Variants in APBB2 observed in about 807,000 individuals in gnomAD.
APBB2 encodes the protein amyloid beta precursor protein binding family B member 2.
A neutral mutation model predicts 82.5 loss-of-function variants in APBB2; 38 were observed. The observed-to-expected ratio is 0.46, with a 90% CI of 0.36 to 0.60. APBB2 has a LOEUF of 0.60. Among genes scored for constraint, APBB2 ranks in the 20% least tolerant of loss-of-function variants. The pLI is 0.00. For synonymous variants in APBB2, 341 were observed against 368.2 expected (o/e 0.93, Z 0.85); for missense variants, 772 against 972.3 (o/e 0.79, Z 2.74).
chr4:40,926,864 A>AT (rs1782739677), intron 10 of APBB2, among the ~76,000 whole-genome samples: 1 of 152,248 alleles, frequency 6.6e-6, no homozygotes, highest in Non-Finnish European at 1.5e-5. Flanking sequence ...TCGGTTTCTT[A>AT]TCTACAATAT....
At chr4:41,049,338 G>A in intron 4 of APBB2, among the ~76,000 whole-genome samples, 1 of 89,988 alleles carries the variant, frequency 1.1e-5, no homozygotes, top group East Asian at 6.5e-4. Context: ...AGTGAGGAGC[G>A]TCTCCGACCG....
chr4:40,901,402 C>CCTA (rs1326241331), intron 10 of APBB2, among the ~76,000 whole-genome samples: 8 of 151,694 alleles, frequency 5.3e-5, no homozygotes, highest in Admixed American at 4.6e-4. Flanking sequence ...TAAAGATACC[C>CCTA]CTAGGTGGTG....
intron 12 of APBB2, among the ~76,000 whole-genome samples, chr4:40,882,632 C>A (rs6844555): frequency 6.6e-6 from 1 of 152,008 alleles, no homozygotes; most frequent in African/African-American, 2.4e-5. Context: ...CCTTCGAGTG[C>A]TGCACAGTCA....
At chr4:40,983,549 A>G (rs1388209650) in intron 6 of APBB2, among the ~76,000 whole-genome samples, 1 of 151,358 alleles carries the variant, frequency 6.6e-6, no homozygotes, top group Non-Finnish European at 1.5e-5. Flanking sequence ...AGGGAGTCCA[A>G]GTTTCTTAAC....
At chr4:41,084,684 A>T (rs1738988816) in intron 3 of APBB2, 1 of 152,250 alleles carries the variant, frequency 6.6e-6, no homozygotes, top group Non-Finnish European at 1.5e-5. Flanking sequence ...CAAGGATGAC[A>T]TGCAAATTTG....
At chr4:41,159,935 AG>A (rs1580497658) in intron 1 of APBB2, among the ~76,000 whole-genome samples, 9 of 31,726 alleles carry the variant, frequency 2.8e-4, no homozygotes, top group East Asian at 2.4e-3. Context: ...GAGGAGGAGG[AG>A]GAGGAGGAGA....
chr4:41,141,370 G>C (rs187489572), intron 2 of APBB2, among the ~76,000 whole-genome samples: 1 of 152,038 alleles, frequency 6.6e-6, no homozygotes, highest in Admixed American at 6.6e-5. Context: ...GTGCACACGC[G>C]CATGTGTGCG....
chr4:40,910,305 A>T (rs1778204732), intron 10 of APBB2, among the ~76,000 whole-genome samples: 1 of 151,922 alleles, frequency 6.6e-6, no homozygotes, highest in Non-Finnish European at 1.5e-5. Context: ...TGGTAAGATC[A>T]TGGCTCATTG....
chr4:41,079,843 G>A (rs1166314701), intron 3 of APBB2, among the ~76,000 whole-genome samples: 1 of 151,960 alleles, frequency 6.6e-6, no homozygotes, highest in Non-Finnish European at 1.5e-5. Flanking sequence ...CACCGCGACC[G>A]GCCAGCTCAC....
At chr4:40,994,556 G>A (rs550944083) in intron 6 of APBB2, among the ~76,000 whole-genome samples, 1 of 152,212 alleles carries the variant, frequency 6.6e-6, no homozygotes, top group South Asian at 2.1e-4. Context: ...ACTCATGCCT[G>A]TAATCCCAGC....
intron 2 of APBB2, among the ~76,000 whole-genome samples, chr4:41,125,361 A>T (rs1301170036): frequency 2.0e-5 from 3 of 152,188 alleles, no homozygotes; most frequent in African/African-American, 7.2e-5. Flanking sequence ...CACATCAAAC[A>T]CATCTATGTG....
chr4:41,164,296 G>A (rs1765932603), intron 1 of APBB2, among the ~76,000 whole-genome samples: 1 of 152,150 alleles, frequency 6.6e-6, no homozygotes, highest in South Asian at 2.1e-4. Flanking sequence ...TTTGGATTTT[G>A]GAGCACTTCA....
At chr4:41,050,402 G>C (rs894999625) in intron 4 of APBB2, among the ~76,000 whole-genome samples, 2 of 152,206 alleles carry the variant, frequency 1.3e-5, no homozygotes, top group Non-Finnish European at 2.9e-5. Context: ...AGAGATTAGG[G>C]AACTGGCACA....
Position 41,027,404 on chromosome 4 carries a change from T to A in APBB2, c.19+5832A>T, listed in dbSNP as rs866368648. ...ATATATATATATATATATATATATATAACATTTTCAAGAACTCCCAGACTG... is the reference window on the plus strand; with the variant it reads ...ATATATATATATATATATATATATAAAACATTTTCAAGAACTCCCAGACTG... On this transcript the variant is annotated intron_variant, in intron 5 of 17. Coordinates refer to ENST00000508593, the MANE Select transcript of APBB2 (RefSeq NM_004307.2). Among the ~76,000 whole-genome samples the A allele has an allele frequency of 3.0e-3, 393 of 130,454 alleles. 2 individuals are homozygous for A. Among genetic ancestry groups the A allele is most frequent in the Middle Eastern group, 8.6e-3 (2 of 232 alleles). The allele number at this position is 130,454 out of a possible 152,430, so 85.6% of individuals were successfully genotyped here. A position where few individuals can be genotyped will look rare whatever the true frequency, so the allele number is the denominator to read the frequency against.
intron 3 of APBB2, among the ~76,000 whole-genome samples, chr4:41,067,477 T>C (rs1330852568): frequency 1.3e-5 from 2 of 150,998 alleles, no homozygotes; most frequent in African/African-American, 4.9e-5. Context: ...GAGATATTCT[T>C]GAGCGTAAAG....
intron 6 of APBB2, among the ~76,000 whole-genome samples, chr4:40,982,425 G>A: frequency 7.8e-6 from 1 of 128,160 alleles, no homozygotes; most frequent in East Asian, 2.4e-4. Flanking sequence ...AAGAAAGAAA[G>A]AAAGAAAGAA....
At chr4:41,161,284 C>CT (rs1298860311) in intron 1 of APBB2, among the ~76,000 whole-genome samples, 1 of 151,480 alleles carries the variant, frequency 6.6e-6, no homozygotes, top group Non-Finnish European at 1.5e-5. Flanking sequence ...TCTGGAATCT[C>CT]TGAGTCCAAG....
At chr4:41,120,102 G>A (rs560981379) in intron 2 of APBB2, among the ~76,000 whole-genome samples, 5 of 152,252 alleles carry the variant, frequency 3.3e-5, no homozygotes, top group African/African-American at 1.2e-4. Context: ...TCAAATCCAC[G>A]ACTAGTGACT....
intron 4 of APBB2, among the ~76,000 whole-genome samples, chr4:41,039,142 T>C (rs1404830496): frequency 1.3e-5 from 2 of 152,258 alleles, no homozygotes; most frequent in East Asian, 1.9e-4. Flanking sequence ...GATAATTATA[T>C]AAAAATGTTA....
Sources: allele counts gnomAD v4.1 joint callset (sites outside exome capture counted in the v4.1 genomes callset), GRCh38; gene constraint gnomAD v4.1.1; transcripts MANE v1.5; gene names NCBI Gene and HGNC (gene_info 2026-07-23, HGNC 2026-07-21).